The following KLHDC10 variants were observed in gnomAD, a reference collection of about 807,000 sequenced individuals.
The protein encoded by KLHDC10 is kelch domain-containing protein 10.
KLHDC10 carries 24 observed loss-of-function variants against 56.1 expected under a neutral mutation model. The ratio of observed to expected loss-of-function variants is 0.43; its 90% CI spans 0.31 to 0.60. KLHDC10 has a LOEUF of 0.60. KLHDC10 is among the 20% of genes least tolerant of loss of function. The pLI is 0.11. For synonymous variants in KLHDC10, 188 were observed against 207.1 expected, an observed-to-expected ratio of 0.91 and a Z score of 0.79; for missense variants, 349 against 567.0, an observed-to-expected ratio of 0.62 and a Z score of 3.91.
At chr7:130,097,193 G>T (rs1795861272) in intron 2 of KLHDC10, among the ~76,000 whole-genome samples, 186 bp downstream of exon 2, 1 of 152,164 alleles carries the variant, frequency 6.6e-6, no homozygotes, top group African/African-American at 2.4e-5. Flanking sequence ...GATTGTAATT[G>T]TAAGTTTCAG....
chr7:130,125,526 G>T (rs572884942), intron 6 of KLHDC10, among the ~76,000 whole-genome samples: 3 of 139,340 alleles, frequency 2.2e-5, no homozygotes, highest in Non-Finnish European at 4.6e-5. Context: ...CTGGGTGACA[G>T]AGTAAGACTC....
At chr7:130,082,398 C>T (rs1795620708) in intron 1 of KLHDC10, among the ~76,000 whole-genome samples, 1 of 152,164 alleles carries the variant, frequency 6.6e-6, no homozygotes, top group Non-Finnish European at 1.5e-5. Context: ...GCTATATCAA[C>T]ATTTTGATAT....
intron 1 of KLHDC10, among the ~76,000 whole-genome samples, chr7:130,085,748 C>T (rs575831305): frequency 1.6e-4 from 23 of 146,032 alleles, no homozygotes; most frequent in African/African-American, 5.0e-4. Context: ...ACATGAGAAT[C>T]GCTTGAACCC....
At chr7:130,080,858 C>T (rs62491311) in intron 1 of KLHDC10, among the ~76,000 whole-genome samples, 8,073 of 152,140 alleles carry the variant, frequency 0.053, 260 homozygotes, top group South Asian at 0.13. Context: ...ACAATTATTT[C>T]CTGGATTTGC....
chr7:130,100,738 C>T (rs1402081590), intron 2 of KLHDC10, among the ~76,000 whole-genome samples: 3 of 151,936 alleles, frequency 2.0e-5, no homozygotes, highest in African/African-American at 7.3e-5. Context: ...TTTATATCAC[C>T]TCTCTTGGTT....
intron 8 of KLHDC10, among the ~76,000 whole-genome samples, chr7:130,128,889 AAT>A (rs1554468213): frequency 0.18 from 12,118 of 66,148 alleles, 1,725 homozygotes; most frequent in Middle Eastern, 0.28. Context: ...AAAAAAAAAA[AAT>A]ATATATATAT....
chr7:130,102,109 T>C, intron 2 of KLHDC10, among the ~76,000 whole-genome samples: 1 of 151,844 alleles, frequency 6.6e-6, no homozygotes, highest in Middle Eastern at 3.2e-3. Flanking sequence ...AGGATCCATA[T>C]GCATTAAAGG....
At chr7:130,080,003 G>A (rs1795581197) in intron 1 of KLHDC10, among the ~76,000 whole-genome samples, 1 of 135,040 alleles carries the variant, frequency 7.4e-6, no homozygotes, top group Non-Finnish European at 1.7e-5. Flanking sequence ...GTGCAGTGGT[G>A]CAATCATAGT....
At position 130,135,612 on chromosome 7, in the gene KLHDC10, AC is replaced by A. The variant is rs1434660743; in HGVS notation, c.*4869del. ...AGCAAGTAGGAAATACAGTGAATTT[AC>A]CCTAAAATGTCCAATCTGTATTTAT... On this transcript the variant is annotated 3_prime_UTR_variant, in exon 10 of 10. Coordinates refer to ENST00000335420, the MANE Select transcript of KLHDC10 (RefSeq NM_014997.4). 1.3e-5 allele frequency: 2 copies of A among 154,332 alleles called. No individual in the cohort carries two copies. The highest frequency in any genetic ancestry group is 1.3e-4 in the Admixed American group (2 of 15,268). The allele number at this position is 154,332 out of a possible 1,614,324, so 9.6% of individuals were successfully genotyped here.
Position 130,135,648 on chromosome 7 carries a change from C to T in KLHDC10, c.*4902C>T, listed in dbSNP as rs544651068. On this transcript the variant is annotated 3_prime_UTR_variant, in exon 10 of 10. Coordinates refer to ENST00000335420, the MANE Select transcript of KLHDC10 (RefSeq NM_014997.4). ...TCCAATCTGTATTTATGTACCTTGTCAGTGTTTTGCTGTTGGTTTTCTAAA... is the reference window on the plus strand; with the variant it reads ...TCCAATCTGTATTTATGTACCTTGTTAGTGTTTTGCTGTTGGTTTTCTAAA... The T allele has an allele frequency of 1.3e-5, 2 of 154,464 alleles. No homozygotes were observed. Among genetic ancestry groups the T allele is most frequent in the Middle Eastern group, 1.0e-3 (2 of 1,926 alleles). 9.6% of individuals were successfully genotyped at this position (154,464 alleles called of 1,614,324 possible). A position where few individuals can be genotyped will look rare whatever the true frequency, so the allele number is the denominator to read the frequency against.
intron 1 of KLHDC10, among the ~76,000 whole-genome samples, chr7:130,072,747 A>AATTAATTT (rs1795435065): frequency 6.7e-6 from 1 of 148,390 alleles, no homozygotes; most frequent in African/African-American, 2.5e-5. Context: ...TTTTATTTTA[A>AATTAATTT]ATTTATTTAT....
At chr7:130,095,427 C>G (rs765903816) in intron 1 of KLHDC10, among the ~76,000 whole-genome samples, 32 of 152,058 alleles carry the variant, frequency 2.1e-4, no homozygotes, top group Non-Finnish European at 3.5e-4. Flanking sequence ...TTTTGAAAAA[C>G]TTATTGCCTT....
Position 130,132,061 on chromosome 7 carries a change from TTTG to T in KLHDC10, c.*1318_*1320del, listed in dbSNP as rs1239805245. Reference sequence around the variant, plus strand: ...GAAATTTTAGTTCTGGTTTGTTTGATTTGTTTTTTTTTTAATTCTAAAAAGAAT... The same window carrying T: ...GAAATTTTAGTTCTGGTTTGTTTGATTTTTTTTTTTAATTCTAAAAAGAAT... On this transcript the variant is annotated 3_prime_UTR_variant, in exon 10 of 10. Transcript: ENST00000335420. 6.6e-6 allele frequency: 1 copy of T among 150,986 alleles called. No individual in the cohort carries two copies. Among genetic ancestry groups the T allele is most frequent in the Admixed American group, 6.6e-5 (1 of 15,250 alleles). The allele number at this position is 150,986 out of a possible 1,614,324, so 9.4% of individuals were successfully genotyped here.
chr7:130,107,669 C>T (rs908550658), intron 2 of KLHDC10, among the ~76,000 whole-genome samples: 1 of 151,524 alleles, frequency 6.6e-6, no homozygotes, highest in African/African-American at 2.4e-5. Context: ...CATGACGAAA[C>T]CCAGTCTTTA....
intron 2 of KLHDC10, among the ~76,000 whole-genome samples, chr7:130,105,504 A>T (rs1795995324): frequency 6.6e-6 from 1 of 152,260 alleles, no homozygotes; most frequent in African/African-American, 2.4e-5. Context: ...GAGCCCAGAA[A>T]GAAAATATAC....
intron 1 of KLHDC10, among the ~76,000 whole-genome samples, chr7:130,072,433 G>A (rs1015509132): frequency 6.6e-6 from 1 of 152,166 alleles, no homozygotes; most frequent in African/African-American, 2.4e-5. Flanking sequence ...TTTATCCGGA[G>A]GTAAAGATAA....
chr7:130,117,585 T>C, intron 3 of KLHDC10: 1 of 164,194 alleles, frequency 6.1e-6, no homozygotes, highest in Admixed American at 6.2e-5. Context: ...GCACAGTGAC[T>C]CATGCCTGTA....
At position 130,120,853 on chromosome 7, in the gene KLHDC10, T is replaced by C; in HGVS notation, c.580T>C (p.Trp194Arg). Residue 194 changes from tryptophan to arginine, a missense_variant, in exon 4 of 10, where the codon TGG (tryptophan) becomes CGG (arginine). This residue lies in a region of KLHDC10 where 245 missense variants were observed against 470.1 expected (regional missense o/e 0.52). Coordinates refer to ENST00000335420, the MANE Select transcript of KLHDC10 (RefSeq NM_014997.4). The surrounding 1 kb of genome is among the most constrained non-coding windows in gnomAD (Gnocchi z 5.1). ...VHVCNVKYKR[W>R]ALLSCRGKKP... is the part of the protein sequence containing the mutation. ...TGTGTGTAATGTGAAGTATAAGAGA[T>C]GGGCTTTGCTCAGCTGTCGGGGGAA... 6.2e-7 allele frequency: 1 copy of C among 1,614,150 alleles called. No individual in the cohort carries two copies. The highest frequency in any genetic ancestry group is 8.5e-7 in the Non-Finnish European group (1 of 1,180,022).
chr7:130,072,628 C>A (rs1795433036), intron 1 of KLHDC10, among the ~76,000 whole-genome samples: 1 of 152,086 alleles, frequency 6.6e-6, no homozygotes, highest in Non-Finnish European at 1.5e-5. Flanking sequence ...CTAGGTATTG[C>A]ATTTTAAGCC....
Sources: allele counts gnomAD v4.1 joint callset (sites outside exome capture counted in the v4.1 genomes callset), GRCh38; gene constraint gnomAD v4.1.1; regional missense constraint gnomAD v4.1.1; non-coding constraint Gnocchi (gnomAD v3.1); transcripts MANE v1.5; gene names NCBI Gene and HGNC (gene_info 2026-07-23, HGNC 2026-07-21).